The following ROBO1 variants were observed in gnomAD, a reference collection of about 807,000 sequenced individuals.
The protein encoded by ROBO1 is roundabout guidance receptor 1.
ROBO1 carries 149 observed loss-of-function variants against 195.9 expected under a neutral mutation model. The ratio of observed to expected loss-of-function variants is 0.76; its 90% confidence interval spans 0.67 to 0.87. The LOEUF (loss-of-function observed/expected upper bound fraction) is 0.87. Ranked by LOEUF, ROBO1 falls within the 40% of genes least tolerant of loss-of-function variation. The pLI, the probability that ROBO1 is intolerant of heterozygous loss-of-function variation, is 0.00. For missense variants in ROBO1, 1,933 were observed against 2,068.3 expected (o/e 0.93, Z 1.27); for synonymous variants, 816 against 733.2 (o/e 1.11, Z -1.82).
At chr3:79,447,860 G>A (rs1042396931) in intron 2 of ROBO1, among the ~76,000 whole-genome samples, 4 of 152,132 alleles carry the variant, frequency 2.6e-5, no homozygotes, top group South Asian at 2.1e-4. Flanking sequence ...AAGAATTTAC[G>A]TGGGTGGTGG....
At chr3:78,637,297 T>G (rs1705582627) in intron 22 of ROBO1, among the ~76,000 whole-genome samples, 1 of 152,168 alleles carries the variant, frequency 6.6e-6, no homozygotes, top group Non-Finnish European at 1.5e-5. Context: ...ACAGAAATAT[T>G]TGATTCATCT....
At chr3:79,270,243 G>C (rs2030421171) in intron 2 of ROBO1, among the ~76,000 whole-genome samples, 2 of 148,892 alleles carry the variant, frequency 1.3e-5, no homozygotes, top group Admixed American at 6.7e-5. Flanking sequence ...CATACACAGA[G>C]GATTTCATGG....
intron 2 of ROBO1, among the ~76,000 whole-genome samples, chr3:79,334,973 C>G (rs1357486086): frequency 6.6e-6 from 1 of 151,978 alleles, no homozygotes; most frequent in Non-Finnish European, 1.5e-5. Flanking sequence ...ATTAATTAGC[C>G]AGGCATGTTG....
At chr3:79,088,637 C>G (rs1024090098) in intron 3 of ROBO1, among the ~76,000 whole-genome samples, 19 of 152,198 alleles carry the variant, frequency 1.2e-4, no homozygotes, top group Middle Eastern at 3.4e-3. Context: ...CTTTCACCAA[C>G]AGGGGAACAC....
chr3:79,530,774 C>A (rs1941622446), intron 2 of ROBO1, among the ~76,000 whole-genome samples: 1 of 144,148 alleles, frequency 6.9e-6, no homozygotes, highest in African/African-American at 2.6e-5. Flanking sequence ...CACACACACA[C>A]ACACACACAC....
At chr3:79,011,686 T>A (rs1159266466) in intron 3 of ROBO1, among the ~76,000 whole-genome samples, 1 of 148,780 alleles carries the variant, frequency 6.7e-6, no homozygotes, top group Non-Finnish European at 1.5e-5. Context: ...TAAATATATA[T>A]GTTTTTCATA....
intron 1 of ROBO1, among the ~76,000 whole-genome samples, chr3:79,640,110 A>G (rs948041437): frequency 6.6e-6 from 1 of 152,124 alleles, no homozygotes; most frequent in African/African-American, 2.4e-5. Flanking sequence ...GAAGTCTACC[A>G]ACTTCCCCTT....
intron 3 of ROBO1, among the ~76,000 whole-genome samples, chr3:79,053,196 C>T (rs865828149): frequency 6.6e-6 from 1 of 151,882 alleles, no homozygotes; most frequent in African/African-American, 2.4e-5. Context: ...CCTAGAGTTA[C>T]CATAATTTTC....
At chr3:78,832,485 C>G (rs2032315381) in intron 4 of ROBO1, among the ~76,000 whole-genome samples, 1 of 152,078 alleles carries the variant, frequency 6.6e-6, no homozygotes, top group Admixed American at 6.6e-5. Context: ...TGACATCTGC[C>G]TCTCACTAAC....
intron 2 of ROBO1, among the ~76,000 whole-genome samples, chr3:79,395,449 T>G (rs2037122886): frequency 6.6e-6 from 1 of 151,972 alleles, no homozygotes; most frequent in Non-Finnish European, 1.5e-5. Context: ...TTAGGACAAT[T>G]TTCCCATCTA....
intron 2 of ROBO1, among the ~76,000 whole-genome samples, chr3:79,341,740 T>A (rs2034915964): frequency 6.6e-6 from 1 of 152,180 alleles, no homozygotes; most frequent in Non-Finnish European, 1.5e-5. Flanking sequence ...TAGTAGTTTT[T>A]TCCATATATT....
intron 4 of ROBO1, among the ~76,000 whole-genome samples, chr3:78,778,062 G>A (rs556144044): frequency 6.6e-5 from 10 of 152,112 alleles, no homozygotes; most frequent in South Asian, 2.1e-4. Context: ...GAATTTTATC[G>A]AAGGCCTTTT....
At chr3:78,757,199 A>G (rs2108342602) in intron 4 of ROBO1, among the ~76,000 whole-genome samples, 1 of 152,296 alleles carries the variant, frequency 6.6e-6, no homozygotes, top group African/African-American at 2.4e-5. Flanking sequence ...GCTGAGAATC[A>G]TAACTTTAAT....
In ROBO1 at chr3:78,919,601, C is replaced by G. The variant is rs1015007758; in HGVS notation, c.499+19000G>C. Among the ~76,000 whole-genome samples, 15 of 152,130 alleles carry G rather than the reference C, an allele frequency of 9.9e-5. 1 individual carries two copies. The highest frequency in any genetic ancestry group is 7.3e-5 in the Non-Finnish European group (5 of 68,028). On this transcript the variant is annotated intron_variant, in intron 4 of 30. Transcript: ENST00000464233. The stretch of plus-strand genomic sequence containing the variant: ...GATTACCTATTCCATGTCAGAAGAT[C>G]TCAGTATTGATCCTGCCTGGACATG...
intron 2 of ROBO1, among the ~76,000 whole-genome samples, chr3:79,339,431 A>G (rs568444425): frequency 3.3e-5 from 5 of 152,256 alleles, no homozygotes; most frequent in South Asian, 2.1e-4. Context: ...CTTTTCCACA[A>G]TACATCACAA....
intron 2 of ROBO1, among the ~76,000 whole-genome samples, chr3:79,171,145 ATG>A (rs1194435867): frequency 2.0e-5 from 3 of 149,944 alleles, no homozygotes; most frequent in Non-Finnish European, 4.4e-5. Flanking sequence ...AATAATATAA[ATG>A]TATAATTAAA....
chr3:78,892,139 C>T (rs1468619362), intron 4 of ROBO1, among the ~76,000 whole-genome samples: 1 of 152,168 alleles, frequency 6.6e-6, no homozygotes, highest in Admixed American at 6.5e-5. Flanking sequence ...GCAGGCAGAT[C>T]GCTTGAGCTC....
intron 2 of ROBO1, among the ~76,000 whole-genome samples, chr3:79,469,132 T>C (rs1693167674): frequency 6.6e-6 from 1 of 152,100 alleles, no homozygotes; most frequent in Non-Finnish European, 1.5e-5. Context: ...AAATATCTCT[T>C]GGAAAATAAT....
chr3:78,851,789 G>A (rs2034083285), intron 4 of ROBO1, among the ~76,000 whole-genome samples: 1 of 151,836 alleles, frequency 6.6e-6, no homozygotes, highest in Non-Finnish European at 1.5e-5. Context: ...ACAACAAAAA[G>A]CATGGATAAC....
Sources: gnomAD v4.1 joint callset for allele counts (sites outside exome capture counted in the v4.1 genomes callset) on GRCh38, gnomAD v4.1.1 for gene constraint, MANE v1.5 for transcripts, NCBI Gene and HGNC (gene_info 2026-07-23, HGNC 2026-07-21) for gene names.